Variants in CHPT1 observed in about 807,000 individuals in gnomAD.
CHPT1 encodes cholinephosphotransferase 1.
In CHPT1, 36 loss-of-function variants were observed where a neutral mutation model predicts 47.6. The ratio of observed to expected loss-of-function variants is 0.76; its 90% CI spans 0.58 to 1.00. The LOEUF is 1.00. CHPT1 is among the 50% of genes least tolerant of loss of function. The pLI is 0.00. For missense variants in CHPT1, 458 were observed against 498.1 expected, an observed-to-expected ratio of 0.92 and a Z score of 0.77; for synonymous variants, 194 against 186.3, an observed-to-expected ratio of 1.04 and a Z score of -0.33.
At chr12:101,701,626 C>T (rs1392243056) in intron 1 of CHPT1, among the ~76,000 whole-genome samples, 1 of 152,120 alleles carries the variant, frequency 6.6e-6, no homozygotes, top group Non-Finnish European at 1.5e-5. Context: ...TGGATCTTTA[C>T]CGTTTTATTT....
chr12:101,698,118 C>G lies in CHPT1; in HGVS notation c.257C>G (p.Pro86Arg), dbSNP rs755098314. ...ACGCTCGTGCTCATCTCCTACTGTC[C>G]CACGGCCACCGAAGAGGTAGGGCTG... ...VTTLVLISYC[P>R]TATEEAPYWT... is the part of the protein sequence containing the mutation. The change falls in exon 1 of 9, where the codon CCC becomes CGC. Residue 86 changes from proline to arginine, a missense_variant. By Grantham distance (103) the Pro-to-Arg change is moderately radical. Transcript: ENST00000229266. The G allele has an allele frequency of 7.4e-5, 114 of 1,535,188 alleles. No homozygotes were observed. The highest frequency in any genetic ancestry group is 9.4e-5 in the Non-Finnish European group (108 of 1,148,016).
intron 5 of CHPT1, among the ~76,000 whole-genome samples, chr12:101,720,578 C>T (rs1951833469): frequency 1.3e-5 from 2 of 152,050 alleles, no homozygotes. Flanking sequence ...GTATGAGTTC[C>T]TGATTGAAAG....
In CHPT1 at chr12:101,714,119, A is replaced by T; in HGVS notation, c.303A>T (p.Ala101=). 1 of 1,610,054 alleles carries T rather than the reference A, an allele frequency of 6.2e-7. No individual in the cohort carries two copies. Among genetic ancestry groups the T allele is most frequent in the Non-Finnish European group, 8.5e-7 (1 of 1,176,632 alleles). The stretch of plus-strand genomic sequence containing the variant: ...CATACTGGACATACCTTTTATGTGC[A>T]CTGGGACTTTTTATTTACCAGTCAC... ...EAPYWTYLLC[A]LGLFIYQSLD... is the part of the protein sequence containing the mutation. The change falls in exon 2 of 9, where the codon GCA becomes GCT. Residue 101 remains alanine (A), a synonymous_variant. Transcript: ENST00000229266.
intron 1 of CHPT1, among the ~76,000 whole-genome samples, chr12:101,704,965 T>C (rs1220111352): frequency 1.2e-5 from 1 of 84,374 alleles, no homozygotes; most frequent in East Asian, 2.7e-4. Flanking sequence ...TGTAAAGTGA[T>C]TCATCCAACT....
At chr12:101,713,202 G>A (rs533741221) in intron 1 of CHPT1, among the ~76,000 whole-genome samples, 4 of 148,970 alleles carry the variant, frequency 2.7e-5, no homozygotes, top group African/African-American at 9.7e-5. Context: ...TGCTTTGCCT[G>A]GTGGGAACAT....
At position 101,720,198 on chromosome 12, in the gene CHPT1, A is replaced by G; in HGVS notation, c.724A>G (p.Asn242Asp). The change falls in exon 5 of 9, where the codon AAT becomes GAT. Residue 242 changes from asparagine (N) to aspartate (D), a missense_variant. Transcript: ENST00000229266. ...AGGTGGAGTAATATTTTCCTGTTCA[A>G]ATTATTTCCATGTTATCCTCCATGG... is the stretch of plus-strand genomic sequence containing the variant. ...FLGGVIFSCSNYFHVILHGGV... is the reference protein window; with the variant it reads ...FLGGVIFSCSDYFHVILHGGV... 6.2e-7 allele frequency: 1 copy of G among 1,604,390 alleles called. No homozygotes were observed. Among genetic ancestry groups the G allele is most frequent in the Non-Finnish European group, 8.5e-7 (1 of 1,175,236 alleles).
At chr12:101,716,962 A>AT (rs1276191420) in intron 4 of CHPT1, 150 bp downstream of exon 4, 13 of 549,218 alleles carry the variant, frequency 2.4e-5, no homozygotes, top group Non-Finnish European at 3.8e-5. Flanking sequence ...ATTTCTTAAC[A>AT]TTTTTTTCTT....
At chr12:101,709,890 G>T (rs1951683463) in intron 1 of CHPT1, among the ~76,000 whole-genome samples, 1 of 148,858 alleles carries the variant, frequency 6.7e-6, no homozygotes. Flanking sequence ...CGAAGGGCAA[G>T]TCGGAAGACC....
intron 5 of CHPT1, among the ~76,000 whole-genome samples, chr12:101,721,254 C>CTCCAA (rs890024279): frequency 6.6e-5 from 10 of 152,016 alleles, no homozygotes; most frequent in African/African-American, 2.4e-4. Flanking sequence ...TGCCACTGCA[C>CTCCAA]TCCAGCCTGG....
chr12:101,721,160 T>C (rs537761730), intron 5 of CHPT1, among the ~76,000 whole-genome samples: 3 of 152,222 alleles, frequency 2.0e-5, no homozygotes, highest in Non-Finnish European at 2.9e-5. Flanking sequence ...GGCCATGCTT[T>C]TGTAAATCCA....
intron 8 of CHPT1, chr12:101,727,696 C>T (rs530888988): frequency 1.6e-4 from 24 of 152,182 alleles, no homozygotes; most frequent in Non-Finnish European, 3.2e-4. Flanking sequence ...GACTTTCTTA[C>T]AAGGATGAAT....
chr12:101,710,008 T>C (rs1231701743), intron 1 of CHPT1, among the ~76,000 whole-genome samples: 1 of 149,206 alleles, frequency 6.7e-6, no homozygotes, highest in Non-Finnish European at 1.5e-5. Context: ...ATAACTGCCC[T>C]ATCTCTGTGG....
At position 101,704,903 on chromosome 12, in the gene CHPT1, A is replaced by T. The variant is rs4764810; in HGVS notation, c.273+6769A>T. Among the ~76,000 whole-genome samples, 368 of 67,412 alleles carry T rather than the reference A, an allele frequency of 5.5e-3. 5 individuals carry two copies. Among genetic ancestry groups the T allele is most frequent in the African/African-American group, 0.026 (308 of 11,708 alleles). 44.2% of individuals were successfully genotyped at this position (67,412 alleles called of 152,430 possible). A position where few individuals can be genotyped will look rare whatever the true frequency, so the allele number is the denominator to read the frequency against. On this transcript the variant is annotated intron_variant, in intron 1 of 8. Transcript: ENST00000229266. The stretch of plus-strand genomic sequence containing the variant: ...TGTGATAAGTCATTTAATTTTCACA[A>T]TGAGAGAGGAGCAATGATTATTACC...
chr12:101,706,080 G>A (rs1323028235), intron 1 of CHPT1, among the ~76,000 whole-genome samples: 2 of 151,902 alleles, frequency 1.3e-5, no homozygotes, highest in Non-Finnish European at 2.9e-5. Context: ...GGCTGGGTGC[G>A]GTGACTCATG....
intron 5 of CHPT1, among the ~76,000 whole-genome samples, chr12:101,722,707 T>TAAA (rs10605402): frequency 6.7e-4 from 76 of 113,788 alleles, no homozygotes; most frequent in African/African-American, 1.9e-3. Context: ...CACAAAAAAT[T>TAAA]AAAAAAAAAA....
chr12:101,705,941 G>A (rs1337297953), intron 1 of CHPT1, among the ~76,000 whole-genome samples: 1 of 151,742 alleles, frequency 6.6e-6, no homozygotes, highest in Non-Finnish European at 1.5e-5. Context: ...GGCCAGGCTG[G>A]TCTTGAACTC....
intron 8 of CHPT1, 59 bp downstream of exon 8, chr12:101,726,463 A>AAT: frequency 6.3e-7 from 1 of 1,588,476 alleles, no homozygotes; most frequent in Non-Finnish European, 8.6e-7. Flanking sequence ...AAGTTAGGGG[A>AAT]ATCTATGAGT....
At chr12:101,721,363 T>C (rs1220158795) in intron 5 of CHPT1, among the ~76,000 whole-genome samples, 1 of 152,196 alleles carries the variant, frequency 6.6e-6, no homozygotes, top group African/African-American at 2.4e-5. Context: ...GTTGTATAGT[T>C]CAAAATTTCT....
chr12:101,718,933 G>T (rs1431068663), intron 4 of CHPT1, among the ~76,000 whole-genome samples: 1 of 151,836 alleles, frequency 6.6e-6, no homozygotes, highest in Admixed American at 6.6e-5. Context: ...TGTACGGGCA[G>T]ATCACCTGAG....
Sources: allele counts gnomAD v4.1 joint callset (sites outside exome capture counted in the v4.1 genomes callset), GRCh38; gene constraint gnomAD v4.1.1; transcripts MANE v1.5; gene names NCBI Gene and HGNC (gene_info 2026-07-23, HGNC 2026-07-21).